Variants in EML4 observed in about 807,000 individuals in gnomAD.
The protein encoded by EML4 is EMAP like 4.
EML4 carries 72 observed loss-of-function variants against 129.0 expected under a neutral mutation model. The ratio of observed to expected loss-of-function variants is 0.56; its 90% CI spans 0.46 to 0.68. The LOEUF (loss-of-function observed/expected upper bound fraction) is 0.68, where lower values mean the gene tolerates loss of function less well. Ranked by LOEUF, EML4 falls within the 30% of genes least tolerant of loss-of-function variation. EML4 has a pLI of 0.00. For missense variants in EML4, 1,363 were observed against 1,190.6 expected (o/e 1.14, Z -2.13); for synonymous variants, 532 against 405.0 (o/e 1.31, Z -3.77).
At chr2:42,190,708 A>G (rs1198753355) in intron 1 of EML4, among the ~76,000 whole-genome samples, 1 of 152,208 alleles carries the variant, frequency 6.6e-6, no homozygotes, top group Non-Finnish European at 1.5e-5. Flanking sequence ...GTATCTTTAT[A>G]GTCTTGCATA....
At chr2:42,218,036 C>T (rs10179838) in intron 1 of EML4, among the ~76,000 whole-genome samples, 93,830 of 151,888 alleles carry the variant, frequency 0.62, 29,704 homozygotes, top group East Asian at 0.74. Flanking sequence ...CCCAACCCTC[C>T]GGGCCACAGA....
At chr2:42,261,344 T>G (rs1233280650) in intron 4 of EML4, 50 bp downstream of exon 4, 1 of 1,451,180 alleles carries the variant, frequency 6.9e-7, no homozygotes, top group Non-Finnish European at 9.2e-7. Flanking sequence ...TAATGATACC[T>G]AAATTCTGTG....
At chr2:42,222,151 A>C (rs1452837504) in intron 1 of EML4, among the ~76,000 whole-genome samples, 3 of 152,120 alleles carry the variant, frequency 2.0e-5, no homozygotes, top group African/African-American at 7.2e-5. Flanking sequence ...CAGCCCTATT[A>C]ATAAAAATTA....
chr2:42,291,676 G>A (rs1289637438), intron 11 of EML4, among the ~76,000 whole-genome samples: 1 of 152,172 alleles, frequency 6.6e-6, no homozygotes, highest in East Asian at 1.9e-4. Context: ...AAAGTGCTGG[G>A]ATTACAGGTG....
In EML4 at chr2:42,330,649, C is replaced by G. The variant is rs906408543; in HGVS notation, c.*442C>G. ...TTTTTTTTTTTTCCTGAAAAAGAAA[C>G]CAGAAAAAAATGTACTCTTACTGAG... On this transcript the variant is annotated 3_prime_UTR_variant, in exon 23 of 23. Coordinates refer to ENST00000318522, the MANE Select transcript of EML4 (RefSeq NM_019063.5). 21 of 263,400 alleles carry G rather than the reference C, an allele frequency of 8.0e-5. No individual in the cohort carries two copies. The highest frequency in any genetic ancestry group is 1.5e-4 in the Non-Finnish European group (21 of 135,982). The allele number at this position is 263,400 out of a possible 1,614,324, so 16.3% of individuals were successfully genotyped here. A position where few individuals can be genotyped will look rare whatever the true frequency, so the allele number is the denominator to read the frequency against.
intron 7 of EML4, 110 bp downstream of exon 7, chr2:42,281,083 C>G (rs932229879): frequency 2.2e-6 from 2 of 912,784 alleles, no homozygotes; most frequent in Non-Finnish European, 3.2e-6. Flanking sequence ...AAAGTAACAG[C>G]TACTTAAAAA....
Position 42,295,452 on chromosome 2 carries a change from A to G in EML4, c.1425A>G (p.Ser475=), listed in dbSNP as rs2103680537. 1 of 1,613,794 alleles carries G rather than the reference A, an allele frequency of 6.2e-7. No individual in the cohort carries two copies. Residue 475 remains serine (S), a synonymous_variant, in exon 13 of 23, where the codon TCA becomes TCG. Transcript: ENST00000318522. ...ATGGAGATGTTCTTACTGGAGACTC[A>G]GGTGGAGTCATGCTTATATGGAGCA... is the stretch of plus-strand genomic sequence containing the variant. ...LGNGDVLTGD[S]GGVMLIWSKT...
intron 11 of EML4, chr2:42,290,029 G>T (rs1411812869): frequency 6.6e-6 from 1 of 152,072 alleles, no homozygotes; most frequent in African/African-American, 2.4e-5. Flanking sequence ...AGAGGTTGCA[G>T]TGACCCGAGA....
intron 1 of EML4, among the ~76,000 whole-genome samples, chr2:42,238,147 T>C (rs910662530): frequency 5.9e-5 from 9 of 152,216 alleles, no homozygotes; most frequent in Non-Finnish European, 2.9e-5. Context: ...TAGTTAGACT[T>C]GGATCCCCTC....
At chr2:42,243,659 C>G (rs888903303) in intron 1 of EML4, among the ~76,000 whole-genome samples, 3 of 152,090 alleles carry the variant, frequency 2.0e-5, no homozygotes, top group African/African-American at 7.2e-5. Flanking sequence ...ATCTACGTCT[C>G]AAAGATAAGA....
chr2:42,176,977 AGAGACGGG>A (rs1670642072), intron 1 of EML4, among the ~76,000 whole-genome samples: 1 of 152,108 alleles, frequency 6.6e-6, no homozygotes, highest in Non-Finnish European at 1.5e-5. Context: ...TATTTTTAGT[AGAGACGGG>A]TTTCACCATG....
chr2:42,205,187 C>G (rs757446681), intron 1 of EML4, among the ~76,000 whole-genome samples: 1 of 152,148 alleles, frequency 6.6e-6, no homozygotes, highest in Non-Finnish European at 1.5e-5. Flanking sequence ...TCTTAGATTA[C>G]AATTTGACAT....
intron 11 of EML4, among the ~76,000 whole-genome samples, chr2:42,293,884 C>T (rs1233707827): frequency 6.6e-6 from 1 of 152,212 alleles, no homozygotes; most frequent in African/African-American, 2.4e-5. Flanking sequence ...GTTGGGATTA[C>T]AGGCGTGAGC....
intron 1 of EML4, among the ~76,000 whole-genome samples, chr2:42,192,431 G>C (rs113232503): frequency 6.6e-6 from 1 of 151,872 alleles, no homozygotes; most frequent in Non-Finnish European, 1.5e-5. Flanking sequence ...GTAAAGGCAG[G>C]GTTTCACCAC....
At chr2:42,196,783 G>A (rs1237391154) in intron 1 of EML4, among the ~76,000 whole-genome samples, 2 of 152,162 alleles carry the variant, frequency 1.3e-5, no homozygotes, top group Non-Finnish European at 2.9e-5. Flanking sequence ...GCCCATGCAG[G>A]AGTTTGTGGC....
chr2:42,295,436 T>C lies in EML4; in HGVS notation c.1409T>C (p.Val470Ala). The change falls in exon 13 of 23, where the codon GTT becomes GCT. Residue 470 changes from valine to alanine, a missense_variant. Coordinates refer to ENST00000318522, the MANE Select transcript of EML4 (RefSeq NM_019063.5). Reference sequence around the variant, plus strand: ...TTAGCATTCTTGGGGAATGGAGATGTTCTTACTGGAGACTCAGGTGGAGTC... The same window carrying C: ...TTAGCATTCTTGGGGAATGGAGATGCTCTTACTGGAGACTCAGGTGGAGTC... ...QCLAFLGNGD[V>A]LTGDSGGVML... The C allele has an allele frequency of 6.2e-7, 1 of 1,614,012 alleles. No homozygotes were observed.
intron 9 of EML4, 121 bp downstream of exon 9, chr2:42,284,824 T>C (rs1038981542): frequency 3.4e-6 from 2 of 595,714 alleles, no homozygotes; most frequent in Non-Finnish European, 5.5e-6. Context: ...CTGAGGAATT[T>C]CTAGTATAAG....
intron 2 of EML4, among the ~76,000 whole-genome samples, chr2:42,249,439 G>A (rs1675625262): frequency 6.6e-6 from 1 of 152,076 alleles, no homozygotes; most frequent in African/African-American, 2.4e-5. Flanking sequence ...TGGATAAATA[G>A]GGTAGAATCC....
chr2:42,319,498 G>A (rs548555555), intron 19 of EML4: 14 of 152,176 alleles, frequency 9.2e-5, no homozygotes, highest in Non-Finnish European at 1.5e-4. Flanking sequence ...ACTATTCTGC[G>A]TTCCTAATTG....
Sources: gnomAD v4.1 joint callset for allele counts (sites outside exome capture counted in the v4.1 genomes callset) on GRCh38, gnomAD v4.1.1 for gene constraint, MANE v1.5 for transcripts, NCBI Gene and HGNC (gene_info 2026-07-23, HGNC 2026-07-21) for gene names.